DKK2: variants seen among roughly 807,000 people sequenced by gnomAD.
DKK2 encodes dickkopf Wnt signaling pathway inhibitor 2.
Under a neutral mutation model 28.1 loss-of-function variants are expected in DKK2, and 11 were observed. The ratio of observed to expected loss-of-function variants is 0.39; its 90% confidence interval spans 0.25 to 0.65. The LOEUF (loss-of-function observed/expected upper bound fraction) is 0.65. DKK2 is among the 30% of genes least tolerant of loss of function. DKK2 has a pLI of 0.47. For missense variants in DKK2, 326 were observed against 335.5 expected, an observed-to-expected ratio of 0.97 and a Z score of 0.22; for synonymous variants, 135 against 126.5, an observed-to-expected ratio of 1.07 and a Z score of -0.45.
chr4:107,005,975 C>T (rs1723432246), intron 1 of DKK2, among the ~76,000 whole-genome samples: 1 of 152,118 alleles, frequency 6.6e-6, no homozygotes, highest in South Asian at 2.1e-4. Flanking sequence ...TGTTTTAAAA[C>T]AGCTTATCTC....
chr4:106,961,776 C>T (rs1314564486), intron 1 of DKK2, among the ~76,000 whole-genome samples: 2 of 152,134 alleles, frequency 1.3e-5, no homozygotes, highest in Non-Finnish European at 2.9e-5. Context: ...TCCACCACTT[C>T]AAAACTGTTG....
intron 1 of DKK2, among the ~76,000 whole-genome samples, chr4:106,983,745 C>T (rs915266809): frequency 2.0e-5 from 3 of 152,208 alleles, no homozygotes; most frequent in African/African-American, 7.2e-5. Flanking sequence ...ATATAAAGAA[C>T]TCTCAAAATT....
In DKK2 at chr4:107,035,871, G is replaced by A; in HGVS notation, c.-280C>T. The A allele has an allele frequency of 2.1e-6, 1 of 487,646 alleles. No homozygotes were observed. Among genetic ancestry groups the A allele is most frequent in the Non-Finnish European group, 3.7e-6 (1 of 268,206 alleles). 30.2% of individuals were successfully genotyped at this position (487,646 alleles called of 1,614,324 possible). On this transcript the variant is annotated 5_prime_UTR_variant, in exon 1 of 4. Transcript: ENST00000285311. Reference sequence around the variant, plus strand: ...ATGCGAGGCGCTTTCTCGCCAAGGAGGCGTGACCCAAGGTGCAAGAAAACC... The same window carrying A: ...ATGCGAGGCGCTTTCTCGCCAAGGAAGCGTGACCCAAGGTGCAAGAAAACC...
chr4:107,010,046 T>C (rs940272191), intron 1 of DKK2, among the ~76,000 whole-genome samples: 6 of 151,812 alleles, frequency 4.0e-5, no homozygotes, highest in Non-Finnish European at 7.4e-5. Context: ...CATCACTTCA[T>C]AGCCTTATAT....
chr4:106,982,261 T>C (rs1463716394), intron 1 of DKK2, among the ~76,000 whole-genome samples: 2 of 152,184 alleles, frequency 1.3e-5, no homozygotes, highest in Non-Finnish European at 2.9e-5. Context: ...AAGTATGTAT[T>C]GAGTATGTGT....
chr4:106,970,680 T>C (rs1722857276), intron 1 of DKK2, among the ~76,000 whole-genome samples: 2 of 152,154 alleles, frequency 1.3e-5, no homozygotes, highest in Admixed American at 6.6e-5. Flanking sequence ...TGCTATATTG[T>C]ACAAGGCCTA....
At chr4:106,959,068 A>T (rs920705414) in intron 1 of DKK2, among the ~76,000 whole-genome samples, 1 of 152,026 alleles carries the variant, frequency 6.6e-6, no homozygotes, top group African/African-American at 2.4e-5. Context: ...GTGTAAATTT[A>T]TTTTCTTAAA....
At chr4:107,017,560 T>C (rs1723628139) in intron 1 of DKK2, among the ~76,000 whole-genome samples, 1 of 152,008 alleles carries the variant, frequency 6.6e-6, no homozygotes. Flanking sequence ...TATTTAGCCA[T>C]GCTTATTATA....
intron 1 of DKK2, among the ~76,000 whole-genome samples, chr4:106,940,345 A>G (rs1724674886): frequency 6.6e-6 from 1 of 152,156 alleles, no homozygotes; most frequent in African/African-American, 2.4e-5. Flanking sequence ...GCAGCCAAAA[A>G]ACACATGAAA....
intron 1 of DKK2, among the ~76,000 whole-genome samples, chr4:106,958,410 T>G (rs1444417057): frequency 1.3e-5 from 2 of 152,124 alleles, no homozygotes. Context: ...ATGTTATATC[T>G]CCTCCACCCC....
intron 1 of DKK2, among the ~76,000 whole-genome samples, chr4:106,983,338 A>AAGAG (rs1485580417): frequency 1.9e-3 from 43 of 22,746 alleles, no homozygotes; most frequent in Non-Finnish European, 2.5e-3. Flanking sequence ...GGAAGAAAGG[A>AAGAG]AGAAAGAAAG....
chr4:106,946,632 G>C (rs528841345), intron 1 of DKK2, among the ~76,000 whole-genome samples: 1 of 151,978 alleles, frequency 6.6e-6, no homozygotes, highest in Non-Finnish European at 1.5e-5. Flanking sequence ...CCTACACATA[G>C]AGCATAGGCA....
chr4:106,989,546 G>T (rs1246024298), intron 1 of DKK2, among the ~76,000 whole-genome samples: 1 of 152,112 alleles, frequency 6.6e-6, no homozygotes, highest in Non-Finnish European at 1.5e-5. Context: ...ACATTTTTCA[G>T]AATTATTCTG....
In DKK2 at chr4:106,925,908, C is replaced by T. The variant is rs1387618742; in HGVS notation, c.264G>A (p.Arg88=). 1.2e-6 allele frequency: 2 copies of T among 1,613,512 alleles called. No homozygotes were observed. The highest frequency in any genetic ancestry group is 8.5e-7 in the Non-Finnish European group (1 of 1,179,786). ...ATCCTTGGTGGGGACTGTGGCAATA[C>T]CTCCCAACTTCACACTCCTTATCAC... ...CSSDKECEVG[R]YCHSPHQGSS... is the part of the protein sequence containing the mutation. Residue 88 remains arginine, a synonymous_variant, in exon 2 of 4, where the codon AGG becomes AGA. Transcript: ENST00000285311.
chr4:106,973,565 C>T (rs1722900440), intron 1 of DKK2, among the ~76,000 whole-genome samples: 1 of 152,172 alleles, frequency 6.6e-6, no homozygotes, highest in Admixed American at 6.5e-5. Context: ...AACCTTCACA[C>T]ACTTTTTGAT....
intron 1 of DKK2, among the ~76,000 whole-genome samples, chr4:107,025,629 C>T (rs777833902): frequency 2.6e-5 from 4 of 152,202 alleles, no homozygotes; most frequent in Non-Finnish European, 4.4e-5. Flanking sequence ...CTTTTGTGTG[C>T]TCCTGCCATT....
In DKK2 at chr4:107,002,748, G is replaced by A. The variant is rs115221581; in HGVS notation, c.222+32622C>T. Among the ~76,000 whole-genome samples the A allele has an allele frequency of 2.8e-3, 420 of 152,224 alleles. 3 individuals carry two copies. Among genetic ancestry groups the A allele is most frequent in the African/African-American group, 9.8e-3 (406 of 41,536 alleles). ...GGTCTACTCCTTGTTGAAATAGTTA[G>A]CATTACAGTAATTAAAAGTTCACAT... is the stretch of plus-strand genomic sequence containing the variant. On this transcript the variant is annotated intron_variant, in intron 1 of 3. Transcript: ENST00000285311.
chr4:106,955,663 C>A (rs1325658759), intron 1 of DKK2, among the ~76,000 whole-genome samples: 2 of 152,022 alleles, frequency 1.3e-5, no homozygotes, highest in African/African-American at 4.8e-5. Context: ...AAACCTTTGG[C>A]AAAATTGCAG....
chr4:106,944,551 T>A (rs552161721), intron 1 of DKK2, among the ~76,000 whole-genome samples: 1 of 152,248 alleles, frequency 6.6e-6, no homozygotes, highest in African/African-American at 2.4e-5. Context: ...ATTTACATAC[T>A]TTCTTTAGCA....
Sources: gnomAD v4.1 joint callset for allele counts (sites outside exome capture counted in the v4.1 genomes callset) on GRCh38, gnomAD v4.1.1 for gene constraint, MANE v1.5 for transcripts, NCBI Gene and HGNC (gene_info 2026-07-23, HGNC 2026-07-21) for gene names.